DLGAP3: variants seen among roughly 807,000 people sequenced by gnomAD.
The protein encoded by DLGAP3 is disks large-associated protein 3.
Under a neutral mutation model 81.2 loss-of-function variants are expected in DLGAP3, and 17 were observed. That is an observed-to-expected ratio of 0.21 (90% CI 0.14 to 0.31). The LOEUF (loss-of-function observed/expected upper bound fraction) is 0.31, where lower values mean the gene tolerates loss of function less well. Among genes scored for constraint, DLGAP3 ranks in the 10% least tolerant of loss-of-function variants. The pLI, the probability that DLGAP3 is intolerant of heterozygous loss-of-function variation, is 1.00. For synonymous variants in DLGAP3, 577 were observed against 587.4 expected, an observed-to-expected ratio of 0.98 and a Z score of 0.26; for missense variants, 1,124 against 1,388.0, an observed-to-expected ratio of 0.81 and a Z score of 3.02.
intron 1 of DLGAP3, among the ~76,000 whole-genome samples, chr1:34,909,424 C>T (rs888460403): frequency 1.3e-5 from 2 of 152,168 alleles, no homozygotes; most frequent in East Asian, 1.9e-4. Flanking sequence ...GTAGCAGAGG[C>T]GGCCTACCCT....
At chr1:34,927,820 C>A (rs1454411513) in intron 1 of DLGAP3, among the ~76,000 whole-genome samples, 1 of 152,006 alleles carries the variant, frequency 6.6e-6, no homozygotes, top group South Asian at 2.1e-4. Context: ...CCAGGAAGTA[C>A]CACTCTCTAA....
intron 5 of DLGAP3, among the ~76,000 whole-genome samples, chr1:34,887,321 C>T (rs1639249600): frequency 6.6e-6 from 1 of 151,908 alleles, no homozygotes; most frequent in South Asian, 2.1e-4. Context: ...CCTTCTCTAC[C>T]CTCCCCCACT....
chr1:34,908,903 G>A (rs1639598385), intron 1 of DLGAP3, among the ~76,000 whole-genome samples: 1 of 152,210 alleles, frequency 6.6e-6, no homozygotes, highest in Non-Finnish European at 1.5e-5. Flanking sequence ...GGGAAACAGA[G>A]GGAATATCAG....
chr1:34,870,713 C>G (rs528696966), intron 8 of DLGAP3, among the ~76,000 whole-genome samples: 1 of 152,204 alleles, frequency 6.6e-6, no homozygotes, highest in Non-Finnish European at 1.5e-5. Flanking sequence ...CAGTCTTCCC[C>G]TCAGTGTCTG....
chr1:34,901,756 A>C (rs1444789145), intron 3 of DLGAP3, among the ~76,000 whole-genome samples: 1 of 152,234 alleles, frequency 6.6e-6, no homozygotes, highest in Non-Finnish European at 1.5e-5. Flanking sequence ...ATCAGACCAC[A>C]GTGAGGGGAG....
intron 1 of DLGAP3, among the ~76,000 whole-genome samples, chr1:34,915,069 C>T (rs1184560816): frequency 6.6e-6 from 1 of 152,184 alleles, no homozygotes; most frequent in Non-Finnish European, 1.5e-5. Flanking sequence ...AAGGGAAAGC[C>T]AGCAACCTCA....
intron 8 of DLGAP3, among the ~76,000 whole-genome samples, chr1:34,872,831 T>C (rs1569597031): frequency 6.6e-6 from 1 of 152,154 alleles, no homozygotes; most frequent in Admixed American, 6.5e-5. Flanking sequence ...AGGTGACAAA[T>C]GGATTCTTCC....
At position 34,868,818 on chromosome 1, in the gene DLGAP3, G is replaced by A; in HGVS notation, c.2272C>T (p.Pro758Ser). ...EPPATDGSPG[P>S]APAPTPGPGA... is the part of the protein sequence containing the mutation. ...GGGCCGGGGGTGGGGGCGGGGGCAG[G>A]GCCGGGCGACCCATCGGTGGCCGGC... The change falls in exon 9 of 12, where the codon CCT becomes TCT. Residue 758 changes from proline to serine, a missense_variant. By Grantham distance (74) the Pro-to-Ser change is moderately conservative. This residue lies in a region of DLGAP3 where 379 missense variants were observed against 455.7 expected (regional missense o/e 0.83). Transcript: ENST00000373347. The surrounding 1 kb of genome is among the most constrained non-coding windows in gnomAD (Gnocchi z 7.5). 6.3e-7 allele frequency: 1 copy of A among 1,580,702 alleles called. No homozygotes were observed. Among genetic ancestry groups the A allele is most frequent in the Non-Finnish European group, 8.6e-7 (1 of 1,168,480 alleles).
At position 34,895,329 on chromosome 1, in the gene DLGAP3, C is replaced by T. The variant is rs989886778; in HGVS notation, c.1386+4340G>A. Reference sequence around the variant, plus strand: ...CTTGCAGTGAGCCGAGATCATGCCACTGCACTCCTACCTGGGCGACAGAGC... The same window carrying T: ...CTTGCAGTGAGCCGAGATCATGCCATTGCACTCCTACCTGGGCGACAGAGC... On this transcript the variant is annotated intron_variant, in intron 5 of 11. Coordinates refer to ENST00000373347, the MANE Select transcript of DLGAP3 (RefSeq NM_001080418.3). This position sits in a 1 kb window ranked among gnomAD's most constrained non-coding sequence, Gnocchi z 4.5. Among the ~76,000 whole-genome samples, 1 of 150,112 alleles carries T rather than the reference C, an allele frequency of 6.7e-6. No homozygotes were observed. The highest frequency in any genetic ancestry group is 2.5e-5 in the African/African-American group (1 of 40,722).
At position 34,895,518 on chromosome 1, in the gene DLGAP3, C is replaced by T. The variant is rs907134998; in HGVS notation, c.1386+4151G>A. Among the ~76,000 whole-genome samples, 9 of 152,054 alleles carry T rather than the reference C, an allele frequency of 5.9e-5. No individual in the cohort carries two copies. Among genetic ancestry groups the T allele is most frequent in the African/African-American group, 2.2e-4 (9 of 41,414 alleles). On this transcript the variant is annotated intron_variant, in intron 5 of 11. Transcript: ENST00000373347. The surrounding 1 kb of genome is among the most constrained non-coding windows in gnomAD (Gnocchi z 4.5). Reference sequence around the variant, plus strand: ...ATACAATACTCCATAAATTAATCTACACATTCAGAGCAATCCCTTCAAATT... The same window carrying T: ...ATACAATACTCCATAAATTAATCTATACATTCAGAGCAATCCCTTCAAATT...
chr1:34,867,253 C>A lies in DLGAP3; in HGVS notation c.2578-62G>T, dbSNP rs1026060534. On this transcript the variant is annotated intron_variant, in intron 10 of 11. Coordinates refer to ENST00000373347, the MANE Select transcript of DLGAP3 (RefSeq NM_001080418.3). The surrounding 1 kb of genome is among the most constrained non-coding windows in gnomAD (Gnocchi z 4.3). Reference sequence around the variant, plus strand: ...AAGGAGGTCTGAGCCCCAGCCAGGACAAGAGAAAGTCCTATCCACCCTTAC... The same window carrying A: ...AAGGAGGTCTGAGCCCCAGCCAGGAAAAGAGAAAGTCCTATCCACCCTTAC... 3.1e-6 allele frequency: 5 copies of A among 1,606,864 alleles called. No homozygotes were observed. Among genetic ancestry groups the A allele is most frequent in the Non-Finnish European group, 3.4e-6 (4 of 1,174,052 alleles).
chr1:34,905,134 C>G lies in DLGAP3; in HGVS notation c.250G>C (p.Gly84Arg), dbSNP rs759748096. The change falls in exon 3 of 12, where the codon GGG becomes CGG. Residue 84 changes from glycine to arginine, a missense_variant. By Grantham distance (125) the Gly-to-Arg change is moderately radical (BLOSUM62 -2). Around this residue, in one of 9 missense-constraint regions of DLGAP3, gnomAD observed 167 missense variants for 172.1 expected, o/e 0.97. Transcript: ENST00000373347. ...EGGPAGAGVG[G>R]GSSTFPRMYP... ...ATCCTGGGGAAGGTGCTGCTACCCC[C>G]CCCAACCCCGGCCCCCGCTGGCCCT... The G allele has an allele frequency of 1.9e-6, 3 of 1,571,942 alleles. No homozygotes were observed. The highest frequency in any genetic ancestry group is 2.3e-5 in the East Asian group (1 of 42,684).
rs1290244391 is a variant in DLGAP3, at chr1:34,885,426, A to G, written c.1914+52T>C. 3 of 1,586,058 alleles carry G rather than the reference A, an allele frequency of 1.9e-6. No homozygotes were observed. In the African/African-American group the frequency reaches 4.0e-5, roughly 21 times the overall value. On this transcript the variant is annotated intron_variant, in intron 7 of 11. Coordinates refer to ENST00000373347, the MANE Select transcript of DLGAP3 (RefSeq NM_001080418.3). ...AAGGCCGCTTCCAGCCCCTCACCCC[A>G]GCCCCGACCGACCAGGGTCAGAGCC... is the stretch of plus-strand genomic sequence containing the variant.
Position 34,868,979 on chromosome 1 carries a change from T to C in DLGAP3, c.2111A>G (p.Gln704Arg). ...GTGCCTCTGGAAGGAGCGTCCAAAC[T>C]GCAGGGCCTTGTCTTCTGTGGCCAC... ...ATVATEDKAL[Q>R]FGRSFQRHAS... Residue 704 changes from glutamine to arginine, a missense_variant, in exon 9 of 12, where the codon CAG becomes CGG. Gln to Arg is a conservative substitution (Grantham distance 43). Around this residue, in one of 9 missense-constraint regions of DLGAP3, gnomAD observed 379 missense variants for 455.7 expected, o/e 0.83. Transcript: ENST00000373347. This position sits in a 1 kb window ranked among gnomAD's most constrained non-coding sequence, Gnocchi z 7.5. 1 of 1,609,038 alleles carries C rather than the reference T, an allele frequency of 6.2e-7. No individual in the cohort carries two copies. The highest frequency in any genetic ancestry group is 8.5e-7 in the Non-Finnish European group (1 of 1,179,766).
At chr1:34,919,060 G>C (rs1359581370) in intron 1 of DLGAP3, among the ~76,000 whole-genome samples, 1 of 152,170 alleles carries the variant, frequency 6.6e-6, no homozygotes, top group African/African-American at 2.4e-5. Context: ...CGGCTCTGGC[G>C]GCTGTTTCGG....
chr1:34,918,357 A>G (rs910764855), intron 1 of DLGAP3, among the ~76,000 whole-genome samples: 5 of 152,196 alleles, frequency 3.3e-5, no homozygotes, highest in Non-Finnish European at 7.4e-5. Context: ...CCCAGGGTGG[A>G]GGCAGACAAG....
chr1:34,870,643 G>C (rs1219112556), intron 8 of DLGAP3, among the ~76,000 whole-genome samples: 1 of 152,182 alleles, frequency 6.6e-6, no homozygotes, highest in Non-Finnish European at 1.5e-5. Flanking sequence ...CGAGCCCTAT[G>C]TCCCAACCCC....
chr1:34,892,689 T>A (rs1276821337), intron 5 of DLGAP3, among the ~76,000 whole-genome samples: 1 of 150,134 alleles, frequency 6.7e-6, no homozygotes, highest in East Asian at 2.0e-4. Flanking sequence ...ACCTACCAAA[T>A]TTAATTAAAA....
intron 3 of DLGAP3, among the ~76,000 whole-genome samples, chr1:34,903,530 T>C (rs994545432): frequency 6.6e-6 from 1 of 151,982 alleles, no homozygotes; most frequent in East Asian, 1.9e-4. Flanking sequence ...GAGGCTGGGG[T>C]GAAGGCTCCA....
Sources: allele counts gnomAD v4.1 joint callset (sites outside exome capture counted in the v4.1 genomes callset), GRCh38; gene constraint gnomAD v4.1.1; regional missense constraint gnomAD v4.1.1; non-coding constraint Gnocchi (gnomAD v3.1); transcripts MANE v1.5; gene names NCBI Gene and HGNC (gene_info 2026-07-23, HGNC 2026-07-21).